ST6GALNAC5: variants seen among roughly 807,000 people sequenced by gnomAD.
The protein encoded by ST6GALNAC5 is ST6 N-acetylgalactosaminide alpha-2,6-sialyltransferase 5.
A neutral mutation model predicts 33.6 loss-of-function variants in ST6GALNAC5; 27 were observed. That is an observed-to-expected ratio of 0.80 (90% CI 0.59 to 1.11). The LOEUF is 1.11. ST6GALNAC5 is among the 50% of genes least tolerant of loss of function. ST6GALNAC5 has a pLI of 0.00. For synonymous variants in ST6GALNAC5, 194 were observed against 171.2 expected (o/e 1.13, Z -1.04); for missense variants, 428 against 454.0 (o/e 0.94, Z 0.52).
chr1:76,988,902 C>T lies in ST6GALNAC5; in HGVS notation c.262-55302C>T, dbSNP rs557908297. On this transcript the variant is annotated intron_variant, in intron 2 of 4. Coordinates refer to ENST00000477717, the MANE Select transcript of ST6GALNAC5 (RefSeq NM_030965.3). ...AAATAATATTGCTCCAGTTTTTGAA[C>T]TCTTATTAAAACTATTGTTTGTAGC... 1.0e-3 allele frequency among the ~76,000 whole-genome samples: 152 copies of T among 152,160 alleles called. 1 individual carries two copies. The highest frequency in any genetic ancestry group is 3.6e-3 in the African/African-American group (151 of 41,538).
At chr1:76,933,570 G>T (rs1698823) in intron 2 of ST6GALNAC5, among the ~76,000 whole-genome samples, 89,333 of 151,676 alleles carry the variant, frequency 0.59, 26,605 homozygotes, top group African/African-American at 0.64. Context: ...GAAGATTTTT[G>T]GGTTGTGACC....
chr1:77,043,661 T>G (rs1437972834), intron 2 of ST6GALNAC5, among the ~76,000 whole-genome samples: 1 of 152,238 alleles, frequency 6.6e-6, no homozygotes, highest in East Asian at 1.9e-4. Flanking sequence ...AACATATTTG[T>G]ACAGCATCCA....
chr1:77,010,118 C>T (rs1650577924), intron 2 of ST6GALNAC5, among the ~76,000 whole-genome samples: 1 of 152,152 alleles, frequency 6.6e-6, no homozygotes, highest in South Asian at 2.1e-4. Context: ...TCTGTCTTAT[C>T]CAGGCCCTAA....
intron 2 of ST6GALNAC5, among the ~76,000 whole-genome samples, chr1:76,993,249 A>G (rs950469845): frequency 3.9e-5 from 6 of 152,228 alleles, no homozygotes; most frequent in African/African-American, 1.4e-4. Flanking sequence ...TGTGTTGTGC[A>G]ATAATTACAT....
At chr1:77,016,422 G>A (rs925433015) in intron 2 of ST6GALNAC5, among the ~76,000 whole-genome samples, 2 of 151,680 alleles carry the variant, frequency 1.3e-5, no homozygotes, top group Admixed American at 6.6e-5. Flanking sequence ...TGGAGTATGT[G>A]TGCTATTTTG....
At chr1:76,881,570 T>C (rs1016229607) in intron 2 of ST6GALNAC5, among the ~76,000 whole-genome samples, 2 of 152,192 alleles carry the variant, frequency 1.3e-5, no homozygotes, top group African/African-American at 4.8e-5. Flanking sequence ...GCATTTTTTT[T>C]TCTCTCTTTT....
chr1:77,014,537 C>A (rs1278120848), intron 2 of ST6GALNAC5, among the ~76,000 whole-genome samples: 1 of 152,230 alleles, frequency 6.6e-6, no homozygotes, highest in Non-Finnish European at 1.5e-5. Context: ...AACTACCACC[C>A]TCTCAGAAGA....
At chr1:76,962,265 A>G (rs1422083773) in intron 2 of ST6GALNAC5, among the ~76,000 whole-genome samples, 2 of 152,216 alleles carry the variant, frequency 1.3e-5, no homozygotes, top group Non-Finnish European at 2.9e-5. Flanking sequence ...AGTAGTGTTC[A>G]TTTCTAGTCA....
intron 2 of ST6GALNAC5, among the ~76,000 whole-genome samples, chr1:77,024,908 A>C (rs531651798): frequency 6.6e-6 from 1 of 152,152 alleles, no homozygotes; most frequent in African/African-American, 2.4e-5. Context: ...GCTGTGACCC[A>C]CCTTCCTTAG....
At chr1:76,998,752 A>G (rs933797172) in intron 2 of ST6GALNAC5, among the ~76,000 whole-genome samples, 10 of 152,208 alleles carry the variant, frequency 6.6e-5, no homozygotes, top group African/African-American at 2.2e-4. Context: ...TAAAAGTTCC[A>G]TGACTAATAT....
At chr1:77,055,936 C>T (rs772708033) in intron 4 of ST6GALNAC5, among the ~76,000 whole-genome samples, 5 of 152,180 alleles carry the variant, frequency 3.3e-5, no homozygotes, top group African/African-American at 7.2e-5. Context: ...TGATTCTAAA[C>T]GTTATTATTG....
chr1:77,011,686 G>A (rs375959164), intron 2 of ST6GALNAC5, among the ~76,000 whole-genome samples: 1 of 151,178 alleles, frequency 6.6e-6, no homozygotes, highest in Non-Finnish European at 1.5e-5. Context: ...TAATTATTTT[G>A]TTAGTAATAT....
intron 2 of ST6GALNAC5, among the ~76,000 whole-genome samples, chr1:76,915,840 C>A (rs1174411287): frequency 8.2e-5 from 11 of 134,244 alleles, no homozygotes; most frequent in African/African-American, 2.2e-4. Context: ...ACTTAAAGTA[C>A]AATAATAATA....
chr1:77,041,900 G>A (rs950308769), intron 2 of ST6GALNAC5, among the ~76,000 whole-genome samples: 46 of 152,282 alleles, frequency 3.0e-4, no homozygotes, highest in South Asian at 8.3e-4. Context: ...TTAAAAAATA[G>A]CATCACTGAA....
chr1:76,944,318 C>T (rs941412307), intron 2 of ST6GALNAC5, among the ~76,000 whole-genome samples: 33 of 151,866 alleles, frequency 2.2e-4, no homozygotes, highest in African/African-American at 8.0e-4. Flanking sequence ...GACCTAGAGC[C>T]AAGAATGTGA....
chr1:76,976,358 A>G (rs1353286032), intron 2 of ST6GALNAC5, among the ~76,000 whole-genome samples: 7 of 152,212 alleles, frequency 4.6e-5, no homozygotes, highest in Non-Finnish European at 1.0e-4. Flanking sequence ...TCACATCACT[A>G]TTCAGGAGTG....
chr1:76,940,480 T>C (rs532386934), intron 2 of ST6GALNAC5, among the ~76,000 whole-genome samples: 2 of 152,066 alleles, frequency 1.3e-5, no homozygotes, highest in Non-Finnish European at 2.9e-5. Context: ...AGCACATACA[T>C]GTTAGTGTGC....
At chr1:76,965,724 GA>G (rs1182738214) in intron 2 of ST6GALNAC5, among the ~76,000 whole-genome samples, 4 of 152,130 alleles carry the variant, frequency 2.6e-5, no homozygotes, top group African/African-American at 9.7e-5. Flanking sequence ...TTTCTTCTAG[GA>G]TTTTTATGGT....
At chr1:77,030,485 G>T (rs935299465) in intron 2 of ST6GALNAC5, among the ~76,000 whole-genome samples, 3 of 152,186 alleles carry the variant, frequency 2.0e-5, no homozygotes, top group African/African-American at 7.2e-5. Flanking sequence ...TGTTATTTTG[G>T]CAGTTGGACC....
Sources: gnomAD v4.1 joint callset for allele counts (sites outside exome capture counted in the v4.1 genomes callset) on GRCh38, gnomAD v4.1.1 for gene constraint, MANE v1.5 for transcripts, NCBI Gene and HGNC (gene_info 2026-07-23, HGNC 2026-07-21) for gene names.